Variants in ARHGAP31 observed in about 807,000 individuals in gnomAD.
ARHGAP31 encodes rho GTPase-activating protein 31.
A neutral mutation model predicts 113.9 loss-of-function variants in ARHGAP31; 34 were observed. The observed-to-expected ratio is 0.30, with a 90% confidence interval of 0.23 to 0.40. ARHGAP31 has a LOEUF of 0.40. Ranked by LOEUF, ARHGAP31 falls within the 10% of genes least tolerant of loss-of-function variation. The pLI is 1.00. For missense variants in ARHGAP31, 1,548 were observed against 1,767.1 expected (o/e 0.88, Z 2.22); for synonymous variants, 650 against 684.8 (o/e 0.95, Z 0.79).
At chr3:119,336,708 T>G (rs1197013883) in intron 1 of ARHGAP31, among the ~76,000 whole-genome samples, 2 of 152,238 alleles carry the variant, frequency 1.3e-5, no homozygotes, top group African/African-American at 4.8e-5. Flanking sequence ...GTCAATAGTT[T>G]TAGTATAATC....
intron 8 of ARHGAP31, among the ~76,000 whole-genome samples, chr3:119,398,723 C>G (rs2080573670): frequency 6.6e-6 from 1 of 152,180 alleles, no homozygotes; most frequent in Non-Finnish European, 1.5e-5. Flanking sequence ...AGGAACAGAG[C>G]TGCATCCAGC....
In ARHGAP31 at chr3:119,337,474, GCAAAAGAA is replaced by G. The variant is rs909042910; in HGVS notation, c.101-27837_101-27830del. Among the ~76,000 whole-genome samples the G allele has an allele frequency of 3.0e-4, 46 of 152,284 alleles. 1 individual carries two copies. The highest frequency in any genetic ancestry group is 1.1e-3 in the African/African-American group (44 of 41,556). Reference sequence around the variant, plus strand: ...CCAGCACCAACATTTACTGCAAAAAGCAAAAGAACAAAGCTTCCACAATACTGACGGGA... The same window carrying G: ...CCAGCACCAACATTTACTGCAAAAAGCAAAGCTTCCACAATACTGACGGGA... On this transcript the variant is annotated intron_variant, in intron 1 of 11. Coordinates refer to ENST00000264245, the MANE Select transcript of ARHGAP31 (RefSeq NM_020754.4).
intron 1 of ARHGAP31, among the ~76,000 whole-genome samples, chr3:119,349,541 G>T (rs927183206): frequency 1.3e-5 from 2 of 152,186 alleles, no homozygotes; most frequent in Admixed American, 1.3e-4. Flanking sequence ...ATTAGAGAGG[G>T]TGATGTTGGG....
In ARHGAP31 at chr3:119,415,010, T is replaced by C. The variant is rs1413190240; in HGVS notation, c.3081T>C (p.Gly1027=). ...CTCCCAACCAGAAGGGACCAAGTGG[T>C]GTGCAACCCAACCCAGCAGAAACCA... The part of the protein sequence containing the change: ...EAPPNQKGPS[G]VQPNPAETSP... Residue 1027 remains glycine, a synonymous_variant, in exon 12 of 12, where the codon GGT becomes GGC. Coordinates refer to ENST00000264245, the MANE Select transcript of ARHGAP31 (RefSeq NM_020754.4). 2 of 1,614,062 alleles carry C rather than the reference T, an allele frequency of 1.2e-6. No individual in the cohort carries two copies. Among genetic ancestry groups the C allele is most frequent in the Non-Finnish European group, 1.7e-6 (2 of 1,179,994 alleles).
rs899800047 is a variant in ARHGAP31, at chr3:119,419,776, C to T, written c.*3512C>T. 13 of 152,126 alleles carry T rather than the reference C, an allele frequency of 8.5e-5. No homozygotes were observed. Among genetic ancestry groups the T allele is most frequent in the Admixed American group, 8.5e-4 (13 of 15,266 alleles). The allele number at this position is 152,126 out of a possible 1,614,324, so 9.4% of individuals were successfully genotyped here. A position where few individuals can be genotyped will look rare whatever the true frequency, so the allele number is the denominator to read the frequency against. On this transcript the variant is annotated 3_prime_UTR_variant, in exon 12 of 12. Transcript: ENST00000264245. ...CAATAGAACATCCCAGTGAGACACT[C>T]GGGTATTTGAGAACTTTGCTTGATT... is the stretch of plus-strand genomic sequence containing the variant.
At chr3:119,298,023 A>C (rs1186342382) in intron 1 of ARHGAP31, among the ~76,000 whole-genome samples, 1 of 152,064 alleles carries the variant, frequency 6.6e-6, no homozygotes, top group Non-Finnish European at 1.5e-5. Context: ...CTGGCTACAC[A>C]GGGGGGCCTG....
At chr3:119,334,206 C>G (rs1461212821) in intron 1 of ARHGAP31, among the ~76,000 whole-genome samples, 1 of 152,070 alleles carries the variant, frequency 6.6e-6, no homozygotes, top group Admixed American at 6.5e-5. Flanking sequence ...CTCCCGGCTC[C>G]CCCTCATCTC....
chr3:119,349,404 AG>A lies in ARHGAP31; in HGVS notation c.101-15910del, dbSNP rs2080090790. Among the ~76,000 whole-genome samples, 3 of 152,148 alleles carry A rather than the reference AG, an allele frequency of 2.0e-5. No homozygotes were observed. In the South Asian group the frequency reaches 6.2e-4, roughly 31 times the overall value. ...TGAGGTTACAGTAAAAGCCCTAGGG[AG>A]GACTTCTCTGGGCTGGGTTCTGAAG... is the stretch of plus-strand genomic sequence containing the variant. On this transcript the variant is annotated intron_variant, in intron 1 of 11. Coordinates refer to ENST00000264245, the MANE Select transcript of ARHGAP31 (RefSeq NM_020754.4).
chr3:119,375,502 C>T (rs1312067509), intron 3 of ARHGAP31, among the ~76,000 whole-genome samples: 1 of 152,212 alleles, frequency 6.6e-6, no homozygotes, highest in Non-Finnish European at 1.5e-5. Flanking sequence ...CCCCACTCGA[C>T]ATCCTTAATT....
chr3:119,381,515 T>G (rs917530690), intron 4 of ARHGAP31, among the ~76,000 whole-genome samples: 1 of 152,206 alleles, frequency 6.6e-6, no homozygotes, highest in Non-Finnish European at 1.5e-5. Flanking sequence ...TGATGTGGTA[T>G]AAGAAGGAAC....
chr3:119,310,125 G>T (rs766135899), intron 1 of ARHGAP31, among the ~76,000 whole-genome samples: 1 of 152,134 alleles, frequency 6.6e-6, no homozygotes, highest in South Asian at 2.1e-4. Context: ...TTATCCTCCC[G>T]TCAAGCTGAC....
At chr3:119,346,927 A>G (rs1312295275) in intron 1 of ARHGAP31, among the ~76,000 whole-genome samples, 1 of 152,194 alleles carries the variant, frequency 6.6e-6, no homozygotes, top group Non-Finnish European at 1.5e-5. Context: ...CAATGATCTG[A>G]CGGTCTCTTC....
intron 1 of ARHGAP31, among the ~76,000 whole-genome samples, chr3:119,315,574 A>G (rs1350511090): frequency 6.6e-6 from 1 of 152,180 alleles, no homozygotes; most frequent in Non-Finnish European, 1.5e-5. Flanking sequence ...CCCCGCTGCC[A>G]CCTCTTAAGG....
chr3:119,356,397 G>A lies in ARHGAP31; in HGVS notation c.101-8919G>A, dbSNP rs186491532. Among the ~76,000 whole-genome samples, 1,490 of 152,134 alleles carry A rather than the reference G, an allele frequency of 9.8e-3. 9 individuals are homozygous for A. The highest frequency in any genetic ancestry group is 0.017 in the Non-Finnish European group (1,157 of 67,988). ...TATAATCCCAGCACTTTGGGAGGCC[G>A]AGGCAGGTAGATCACCTGAGGTCGG... On this transcript the variant is annotated intron_variant, in intron 1 of 11. Coordinates refer to ENST00000264245, the MANE Select transcript of ARHGAP31 (RefSeq NM_020754.4).
chr3:119,389,521 C>T lies in ARHGAP31; in HGVS notation c.683-1264C>T, dbSNP rs114020847. Among the ~76,000 whole-genome samples the T allele has an allele frequency of 2.0e-3, 297 of 152,292 alleles. 1 individual carries two copies. The highest frequency in any genetic ancestry group is 3.4e-3 in the Middle Eastern group (1 of 294). ...GTCAGAAAGTTTACTGAAAAGTTTT[C>T]AGGATCCCAGGCTATATTTAACAGT... On this transcript the variant is annotated intron_variant, in intron 6 of 11. Coordinates refer to ENST00000264245, the MANE Select transcript of ARHGAP31 (RefSeq NM_020754.4).
intron 1 of ARHGAP31, among the ~76,000 whole-genome samples, chr3:119,320,330 T>C (rs2079771614): frequency 6.6e-6 from 1 of 152,118 alleles, no homozygotes; most frequent in South Asian, 2.1e-4. Context: ...TCCCTCCCTA[T>C]AGAAGAGGAA....
At chr3:119,345,516 G>C (rs2080048651) in intron 1 of ARHGAP31, among the ~76,000 whole-genome samples, 1 of 152,122 alleles carries the variant, frequency 6.6e-6, no homozygotes, top group Non-Finnish European at 1.5e-5. Flanking sequence ...GGAACAGTAA[G>C]AGAGGAGACT....
intron 3 of ARHGAP31, among the ~76,000 whole-genome samples, chr3:119,374,485 G>T (rs899781700): frequency 6.6e-6 from 1 of 152,068 alleles, no homozygotes; most frequent in African/African-American, 2.4e-5. Context: ...TAGGTATTCA[G>T]TATGGTTTGG....
At chr3:119,311,434 CCACT>C (rs1213168454) in intron 1 of ARHGAP31, among the ~76,000 whole-genome samples, 1 of 152,180 alleles carries the variant, frequency 6.6e-6, no homozygotes, top group Non-Finnish European at 1.5e-5. Context: ...TACATTAGGA[CCACT>C]CAGACAATCC....
Sources: gnomAD v4.1 joint callset for allele counts (sites outside exome capture counted in the v4.1 genomes callset) on GRCh38, gnomAD v4.1.1 for gene constraint, MANE v1.5 for transcripts, NCBI Gene and HGNC (gene_info 2026-07-23, HGNC 2026-07-21) for gene names.